The following SLC22A24 variants were observed in gnomAD, a reference collection of about 807,000 sequenced individuals.
SLC22A24 encodes the protein steroid transmembrane transporter SLC22A24.
Under a neutral mutation model 49.8 loss-of-function variants are expected in SLC22A24, and 53 were observed. The observed-to-expected ratio is 1.06, with a 90% CI of 0.85 to 1.34. The LOEUF is 1.34. SLC22A24 is among the 40% of genes most tolerant of loss of function. The pLI, the probability that SLC22A24 is intolerant of heterozygous loss-of-function variation, is 0.00. For synonymous variants in SLC22A24, 302 were observed against 256.4 expected, an observed-to-expected ratio of 1.18 and a Z score of -1.70; for missense variants, 786 against 675.9, an observed-to-expected ratio of 1.16 and a Z score of -1.81.
At chr11:63,083,035 C>A (rs2086968163) in intron 7 of SLC22A24, among the ~76,000 whole-genome samples, 1 of 151,924 alleles carries the variant, frequency 6.6e-6, no homozygotes, top group African/African-American at 2.4e-5. Context: ...TGTGTCTGAA[C>A]CATCACGGCT....
In SLC22A24 at chr11:63,092,284, C is replaced by T. The variant is rs191600196; in HGVS notation, c.1070+3707G>A. On this transcript the variant is annotated intron_variant, in intron 6 of 9. Transcript: ENST00000612278. ...AACAAATGGAAAAAAATTCCATGCT[C>T]ATGGATGGGAATAATCAATATAGTG... 3.0e-3 allele frequency among the ~76,000 whole-genome samples: 448 copies of T among 151,584 alleles called. 1 individual carries two copies. Among genetic ancestry groups the T allele is most frequent in the Non-Finnish European group, 4.5e-3 (308 of 67,892 alleles).
At chr11:63,108,924 C>G (rs1408565992) in intron 4 of SLC22A24, among the ~76,000 whole-genome samples, 1 of 146,186 alleles carries the variant, frequency 6.8e-6, no homozygotes, top group Non-Finnish European at 1.5e-5. Flanking sequence ...TATACATGTG[C>G]CATGCTGGTG....
intron 6 of SLC22A24, among the ~76,000 whole-genome samples, chr11:63,094,696 C>T (rs1294936302): frequency 6.6e-6 from 1 of 152,182 alleles, no homozygotes; most frequent in Non-Finnish European, 1.5e-5. Flanking sequence ...GATGGTATCT[C>T]ATTGTGGTTT....
intron 4 of SLC22A24, among the ~76,000 whole-genome samples, chr11:63,106,240 C>T (rs1164273755): frequency 1.3e-5 from 2 of 151,958 alleles, no homozygotes; most frequent in Non-Finnish European, 2.9e-5. Context: ...GTTTCATCCA[C>T]GTCCATACAA....
intron 5 of SLC22A24, among the ~76,000 whole-genome samples, chr11:63,102,593 G>A (rs113444667): frequency 0.042 from 6,364 of 152,188 alleles, 183 homozygotes; most frequent in Non-Finnish European, 0.063. Context: ...ACATGATAGC[G>A]TGGGATAGAG....
At chr11:63,098,768 T>C (rs1293501644) in intron 5 of SLC22A24, among the ~76,000 whole-genome samples, 1 of 151,642 alleles carries the variant, frequency 6.6e-6, no homozygotes, top group East Asian at 1.9e-4. Flanking sequence ...CCCAAAATAG[T>C]AGAAGTAACA....
At position 63,104,166 on chromosome 11, in the gene SLC22A24, C is replaced by T; in HGVS notation, c.954+9G>A. On this transcript the variant is annotated intron_variant, in intron 5 of 9. Transcript: ENST00000612278. ...TAATCACAGCAATCATTTCCCCTTT[C>T]CAGATCACCTCAGTGGTCAGTGTCT... 6.5e-7 allele frequency: 1 copy of T among 1,548,738 alleles called. No homozygotes were observed. The highest frequency in any genetic ancestry group is 1.7e-4 in the Middle Eastern group (1 of 5,986).
Position 63,101,179 on chromosome 11 carries a change from T to C in SLC22A24, c.954+2996A>G, listed in dbSNP as rs539861765. ...ACAAGGGATTAATAACCAGAATATA[T>C]AAGGAGCTCAACCCTCATACACAGT... is the stretch of plus-strand genomic sequence containing the variant. On this transcript the variant is annotated intron_variant, in intron 5 of 9. Coordinates refer to ENST00000612278, the MANE Select transcript of SLC22A24 (RefSeq NM_001136506.2). Among the ~76,000 whole-genome samples the C allele has an allele frequency of 2.0e-5, 3 of 152,006 alleles. No homozygotes were observed. In the South Asian group the frequency reaches 6.2e-4, roughly 32 times the overall value.
intron 2 of SLC22A24, among the ~76,000 whole-genome samples, chr11:63,126,548 T>A (rs569667718): frequency 7.2e-5 from 11 of 152,292 alleles, no homozygotes; most frequent in Non-Finnish European, 1.5e-4. Flanking sequence ...ACCATGCTGT[T>A]TTGATTACTG....
chr11:63,122,976 A>G (rs2087262856), intron 2 of SLC22A24, among the ~76,000 whole-genome samples: 1 of 152,192 alleles, frequency 6.6e-6, no homozygotes, highest in African/African-American at 2.4e-5. Flanking sequence ...AATATTAGAT[A>G]TCCTCCTTTG....
chr11:63,128,191 G>A (rs2087306356), intron 2 of SLC22A24, among the ~76,000 whole-genome samples: 1 of 151,946 alleles, frequency 6.6e-6, no homozygotes, highest in Admixed American at 6.6e-5. Context: ...GGAGAAACCA[G>A]GCCATAGAGA....
chr11:63,113,577 C>T (rs189862299), intron 4 of SLC22A24, among the ~76,000 whole-genome samples: 40 of 151,810 alleles, frequency 2.6e-4, no homozygotes, highest in South Asian at 1.5e-3. Flanking sequence ...ATGTTGAGGC[C>T]GGGCACAGTG....
At chr11:63,120,718 GT>G (rs562001072) in intron 2 of SLC22A24, among the ~76,000 whole-genome samples, 75 of 152,120 alleles carry the variant, frequency 4.9e-4, no homozygotes, top group Middle Eastern at 3.4e-3. Flanking sequence ...ACAAACTTTA[GT>G]TTTGGACACC....
chr11:63,087,024 GCACACACACACACACA>G (rs1555045310), intron 6 of SLC22A24, among the ~76,000 whole-genome samples: 2 of 132,556 alleles, frequency 1.5e-5, no homozygotes, highest in African/African-American at 5.8e-5. Flanking sequence ...CCTGGAGGGC[GCACACACACACACACA>G]CACACACACA....
intron 2 of SLC22A24, among the ~76,000 whole-genome samples, chr11:63,131,567 G>T (rs1326507098): frequency 2.0e-5 from 3 of 152,138 alleles, no homozygotes. Context: ...TGAAATTCTG[G>T]GTTGAAAATT....
At chr11:63,118,557 C>T (rs1489965557) in intron 4 of SLC22A24, 1 of 480,542 alleles carries the variant, frequency 2.1e-6, no homozygotes, top group East Asian at 3.3e-5. Context: ...ATTGTGTTTT[C>T]CTTATATTCA....
At position 63,143,648 on chromosome 11, in the gene SLC22A24, G is replaced by T. The variant is rs148163521; in HGVS notation, c.132C>A (p.Thr44=). The T allele has an allele frequency of 1.6e-5, 26 of 1,599,126 alleles. No homozygotes were observed. The East Asian group carries it at 6.0e-4, about 37-fold the overall frequency. Residue 44 remains threonine, a synonymous_variant, in exon 1 of 10, where the codon ACC becomes ACA. Coordinates refer to ENST00000612278, the MANE Select transcript of SLC22A24 (RefSeq NM_001136506.2). ...NIVLENFTAF[T]PSHRCWVPLL... ...GGGGGACCCAGCAGCGATGACTAGGGGTGAATGCAGTGAAGTTCTCCAACA... is the reference window on the plus strand; with the variant it reads ...GGGGGACCCAGCAGCGATGACTAGGTGTGAATGCAGTGAAGTTCTCCAACA...
chr11:63,096,022 G>C lies in SLC22A24; in HGVS notation c.1039C>G (p.Arg347Gly). The C allele has an allele frequency of 6.4e-7, 1 of 1,550,564 alleles. No homozygotes were observed. The highest frequency in any genetic ancestry group is 8.7e-7 in the Non-Finnish European group (1 of 1,146,190). The change falls in exon 6 of 10, where the codon CGA (arginine) becomes GGA (glycine). Residue 347 changes from arginine to glycine, a missense_variant. By Grantham distance (125) the Arg-to-Gly change is moderately radical (BLOSUM62 -2). Coordinates refer to ENST00000612278, the MANE Select transcript of SLC22A24 (RefSeq NM_001136506.2). ...IFSLFRAPKLRMRVFGLCFVR... is the reference protein window; with the variant it reads ...IFSLFRAPKLGMRVFGLCFVR... The stretch of plus-strand genomic sequence containing the variant: ...AAGCACAGGCCGAAGACTCTCATTC[G>C]CAATTTGGGTGCACGGAACAGGGAA...
At chr11:63,143,111 A>G (rs896870245) in intron 1 of SLC22A24, among the ~76,000 whole-genome samples, 3 of 152,206 alleles carry the variant, frequency 2.0e-5, no homozygotes, top group African/African-American at 7.2e-5. Context: ...ATTTTGATTA[A>G]TAAAGATGTG....
Sources: allele counts gnomAD v4.1 joint callset (sites outside exome capture counted in the v4.1 genomes callset), GRCh38; gene constraint gnomAD v4.1.1; transcripts MANE v1.5; gene names NCBI Gene and HGNC (gene_info 2026-07-23, HGNC 2026-07-21).